DOCK9: variants seen among roughly 807,000 people sequenced by gnomAD.
DOCK9 encodes dedicator of cytokinesis protein 9.
DOCK9 carries 89 observed loss-of-function variants against 263.3 expected under a neutral mutation model. The observed-to-expected ratio is 0.34, with a 90% CI of 0.28 to 0.40. The LOEUF is 0.40. DOCK9 is among the 10% of genes least tolerant of loss of function. The pLI, the probability that DOCK9 is intolerant of heterozygous loss-of-function variation, is 1.00. For missense variants in DOCK9, 2,140 were observed against 2,603.4 expected (o/e 0.82, Z 3.87); for synonymous variants, 976 against 973.1 (o/e 1.00, Z -0.06).
chr13:99,008,354 C>G (rs954518343), intron 1 of DOCK9, among the ~76,000 whole-genome samples: 1 of 151,780 alleles, frequency 6.6e-6, no homozygotes, highest in African/African-American at 2.4e-5. Flanking sequence ...CTGCCTCAGC[C>G]TCCCGAGTAG....
rs1217615444 is a variant in DOCK9, at chr13:98,991,997, C to T, written c.130-36446G>A. ...CACAGGAGCCACAGAGGTAAGAAGC[C>T]AGGCTCCTACATCATCACATGGAAG... On this transcript the variant is annotated intron_variant, in intron 1 of 32. Coordinates refer to the DOCK9 transcript ENST00000427887. Among the ~76,000 whole-genome samples, 7 of 152,214 alleles carry T rather than the reference C, an allele frequency of 4.6e-5. No homozygotes were observed. In the South Asian group the frequency reaches 1.2e-3, roughly 27 times the overall value.
At chr13:99,057,825 C>CA (rs1314163860) in intron 1 of DOCK9, among the ~76,000 whole-genome samples, 1 of 152,152 alleles carries the variant, frequency 6.6e-6, no homozygotes, top group African/African-American at 2.4e-5. Flanking sequence ...AACTAATTGA[C>CA]ACACATTTAA....
chr13:98,989,246 C>T (rs1159706229), intron 1 of DOCK9, among the ~76,000 whole-genome samples: 1 of 151,634 alleles, frequency 6.6e-6, no homozygotes, highest in Non-Finnish European at 1.5e-5. Flanking sequence ...GAAGCCAAGA[C>T]CCCTGTCTTG....
intron 2 of DOCK9, among the ~76,000 whole-genome samples, chr13:98,949,139 C>G (rs1159033131): frequency 6.6e-6 from 1 of 152,206 alleles, no homozygotes; most frequent in Admixed American, 6.5e-5. Flanking sequence ...GCAGCACAAT[C>G]ATGGCTCACT....
At chr13:98,956,410 T>C (rs1203999857) in intron 1 of DOCK9, among the ~76,000 whole-genome samples, 1 of 152,190 alleles carries the variant, frequency 6.6e-6, no homozygotes, top group Non-Finnish European at 1.5e-5. Context: ...TATACTACAG[T>C]ATGCCAAATG....
At chr13:98,957,478 A>G (rs560302966) in intron 1 of DOCK9, among the ~76,000 whole-genome samples, 2 of 152,330 alleles carry the variant, frequency 1.3e-5, no homozygotes, top group African/African-American at 4.8e-5. Context: ...CTATGTGGAC[A>G]GAGACTAAAA....
intron 1 of DOCK9, among the ~76,000 whole-genome samples, chr13:98,972,457 C>T (rs1270214688): frequency 6.6e-6 from 1 of 152,132 alleles, no homozygotes; most frequent in Non-Finnish European, 1.5e-5. Flanking sequence ...GTAGCAGTGA[C>T]TTGGCATGGC....
chr13:98,799,620 A>C (rs1031237850), intron 50 of DOCK9, among the ~76,000 whole-genome samples: 5 of 152,226 alleles, frequency 3.3e-5, no homozygotes, highest in Admixed American at 3.3e-4. Flanking sequence ...GATCTTTTCA[A>C]TAAATTGTGT....
chr13:99,016,975 T>C (rs780287368), intron 1 of DOCK9, among the ~76,000 whole-genome samples: 1 of 152,204 alleles, frequency 6.6e-6, no homozygotes, highest in Non-Finnish European at 1.5e-5. Flanking sequence ...GATCCCATAA[T>C]GTCTGTTTTC....
chr13:99,049,915 C>T (rs950247322), intron 1 of DOCK9, among the ~76,000 whole-genome samples: 1 of 152,166 alleles, frequency 6.6e-6, no homozygotes, highest in Non-Finnish European at 1.5e-5. Context: ...TTGATCTTTC[C>T]AGATAATGAA....
At chr13:99,080,288 T>G (rs969338027) in intron 1 of DOCK9, among the ~76,000 whole-genome samples, 1 of 152,156 alleles carries the variant, frequency 6.6e-6, no homozygotes, top group Non-Finnish European at 1.5e-5. Flanking sequence ...TTACTGGATT[T>G]TCCCTTCCAC....
rs747381510 is a variant in DOCK9 at position 98,805,141 on chromosome 13, G to A, written c.5583C>T (p.Asp1861=). The A allele has an allele frequency of 2.5e-5, 41 of 1,608,896 alleles. No individual in the cohort carries two copies. Among genetic ancestry groups the A allele is most frequent in the African/African-American group, 2.3e-4 (17 of 74,858 alleles). Residue 1861 remains aspartate, a synonymous_variant, in exon 49 of 53, where the codon GAC becomes GAT. Transcript: ENST00000682017. ...TTTTCCTTTCTTGCAACTCTTTTTC[G>A]TCAAAGAAGGGGATGACGTGAGTCA... ...IQVTHVIPFF[D]EKELQERKTE...
At chr13:98,954,290 G>T (rs1489869025) in intron 2 of DOCK9, among the ~76,000 whole-genome samples, 4 of 151,720 alleles carry the variant, frequency 2.6e-5, no homozygotes. Context: ...GGGCTTAAAT[G>T]GTAACAGCAT....
intron 39 of DOCK9, chr13:98,833,154 C>T (rs1389801380): frequency 1.4e-5 from 2 of 146,448 alleles, no homozygotes; most frequent in Admixed American, 1.4e-4. Flanking sequence ...TGAATATGAT[C>T]TAATTCTCAA....
intron 19 of DOCK9, 148 bp downstream of exon 19, chr13:98,886,384 T>C (rs1751911407): frequency 5.5e-6 from 3 of 546,058 alleles, no homozygotes; most frequent in South Asian, 3.4e-5. Flanking sequence ...AATCAGAATA[T>C]ATAAAAGAAA....
intron 1 of DOCK9, among the ~76,000 whole-genome samples, chr13:99,031,716 T>C (rs1383016953): frequency 6.6e-6 from 1 of 152,206 alleles, no homozygotes; most frequent in Non-Finnish European, 1.5e-5. Flanking sequence ...GCAAAACTTA[T>C]AAAACAGCAA....
At chr13:99,068,069 AT>A (rs1179506333) in intron 1 of DOCK9, among the ~76,000 whole-genome samples, 1 of 152,076 alleles carries the variant, frequency 6.6e-6, no homozygotes, top group Non-Finnish European at 1.5e-5. Flanking sequence ...CTGCCCCAGC[AT>A]TGATACTCTA....
chr13:99,038,288 CTTTTTTTTTTTTTTTTTTT>C (rs71419743), intron 1 of DOCK9, among the ~76,000 whole-genome samples: 3 of 86,264 alleles, frequency 3.5e-5, no homozygotes, highest in Admixed American at 1.5e-4. Context: ...TTATGCCCCC[CTTTTTTTTTTTTTTTTTTT>C]TTTTTTTTTT....
At chr13:99,014,758 T>A (rs886389337) in intron 1 of DOCK9, among the ~76,000 whole-genome samples, 3 of 152,218 alleles carry the variant, frequency 2.0e-5, no homozygotes, top group African/African-American at 7.2e-5. Context: ...GAGACCCATA[T>A]GTGGCTCCTC....
Sources: gnomAD v4.1 joint callset for allele counts (sites outside exome capture counted in the v4.1 genomes callset) on GRCh38, gnomAD v4.1.1 for gene constraint, MANE v1.5 for transcripts, NCBI Gene and HGNC (gene_info 2026-07-23, HGNC 2026-07-21) for gene names.